MYO16: variants seen among roughly 807,000 people sequenced by gnomAD.
The protein encoded by MYO16 is unconventional myosin-XVI.
In MYO16, 94 loss-of-function variants were observed where a neutral mutation model predicts 205.3. That is an observed-to-expected ratio of 0.46 (90% CI 0.39 to 0.54). The LOEUF is 0.54. MYO16 is among the 20% of genes least tolerant of loss of function. The pLI is 0.00. For missense variants in MYO16, 2,315 were observed against 2,387.5 expected (o/e 0.97, Z 0.63); for synonymous variants, 988 against 954.0 (o/e 1.04, Z -0.66).
At chr13:108,715,236 C>T (rs1445919494) in intron 3 of MYO16, among the ~76,000 whole-genome samples, 3 of 152,190 alleles carry the variant, frequency 2.0e-5, no homozygotes, top group Non-Finnish European at 4.4e-5. Flanking sequence ...GGTTTCCACC[C>T]AGCACATGCC....
chr13:108,694,622 C>G (rs926007363), intron 2 of MYO16, among the ~76,000 whole-genome samples: 2 of 152,084 alleles, frequency 1.3e-5, no homozygotes, highest in African/African-American at 2.4e-5. Flanking sequence ...AGACCTCTAT[C>G]AAATATATGC....
At chr13:108,989,854 A>C (rs993877317) in intron 20 of MYO16, among the ~76,000 whole-genome samples, 72 of 152,206 alleles carry the variant, frequency 4.7e-4, no homozygotes, top group African/African-American at 1.7e-3. Flanking sequence ...GATACTTTTA[A>C]AAAACTTATT....
Position 108,964,792 on chromosome 13 carries a change from G to A in MYO16, c.2259G>A (p.Gln753=). The A allele has an allele frequency of 3.1e-6, 5 of 1,614,116 alleles. No individual in the cohort carries two copies. Among genetic ancestry groups the A allele is most frequent in the Non-Finnish European group, 4.2e-6 (5 of 1,180,014 alleles). ...GDMIIRRHTI[Q]IAEFFRDLLA... ...TGATAATACGACGACATACCATACA[G>A]ATTGCTGAGTTTTTCCGAGACCTCT... Residue 753 remains glutamine, a synonymous_variant, in exon 20 of 35, where the codon CAG becomes CAA. Transcript: ENST00000457511.
chr13:108,790,734 T>C (rs1035049282), intron 5 of MYO16, among the ~76,000 whole-genome samples: 43 of 152,204 alleles, frequency 2.8e-4, no homozygotes, highest in Admixed American at 6.5e-5. Context: ...TGGCATCATA[T>C]CTAATTCAAA....
At chr13:109,138,555 G>A (rs1009586393) in intron 31 of MYO16, among the ~76,000 whole-genome samples, 1 of 151,952 alleles carries the variant, frequency 6.6e-6, no homozygotes, top group Admixed American at 6.6e-5. Flanking sequence ...ATTCACTCTT[G>A]TAATAATATT....
At chr13:108,533,892 T>C in the MYO16 span, among the ~76,000 whole-genome samples, 6 of 152,196 alleles carry the variant, frequency 3.9e-5, no homozygotes, top group African/African-American at 7.2e-5. Context: ...CAAATGGTTC[T>C]CTGATTTTAA....
the MYO16 span, among the ~76,000 whole-genome samples, chr13:108,507,292 T>A: frequency 1.7e-3 from 259 of 152,318 alleles, no homozygotes; most frequent in African/African-American, 6.1e-3. Context: ...CCCTTTAATG[T>A]TTCTCTTAAG....
chr13:108,803,617 A>G (rs1182090058), intron 6 of MYO16, among the ~76,000 whole-genome samples: 3 of 152,130 alleles, frequency 2.0e-5, no homozygotes, highest in Non-Finnish European at 4.4e-5. Context: ...ATCACACTGG[A>G]TATGTGTGTG....
At chr13:109,008,422 T>C (rs1288094666) in intron 21 of MYO16, among the ~76,000 whole-genome samples, 6 of 130,814 alleles carry the variant, frequency 4.6e-5, no homozygotes, top group Non-Finnish European at 9.9e-5. Context: ...GTACTATCTA[T>C]CTTGTGTATG....
Position 109,077,008 on chromosome 13 carries a change from T to TTG in MYO16, c.3335+21413_3335+21414insTG, listed in dbSNP as rs35770594. On this transcript the variant is annotated intron_variant, in intron 27 of 34. Transcript: ENST00000457511. Reference sequence around the variant, plus strand: ...ATTTGTTTACACTTTTTTTTTTTTTTGGAGATGGAGTCTCGCTCTGTCGCC... The same window carrying TTG: ...ATTTGTTTACACTTTTTTTTTTTTTTTGGGAGATGGAGTCTCGCTCTGTCGCC... 8.8e-3 allele frequency among the ~76,000 whole-genome samples: 1,269 copies of TTG among 143,390 alleles called. 44 individuals carry two copies. The highest frequency in any genetic ancestry group is 0.025 in the African/African-American group (971 of 39,356). The allele number at this position is 143,390 out of a possible 152,430, so 94.1% of individuals were successfully genotyped here.
intron 4 of MYO16, among the ~76,000 whole-genome samples, chr13:108,756,210 TATTTTTC>T (rs1396276079): frequency 6.6e-6 from 1 of 152,062 alleles, no homozygotes; most frequent in African/African-American, 2.4e-5. Flanking sequence ...TTTCTAGACT[TATTTTTC>T]AGTAGAAAAA....
chr13:109,078,048 T>G (rs1394729196), intron 27 of MYO16, among the ~76,000 whole-genome samples: 1 of 151,946 alleles, frequency 6.6e-6, no homozygotes, highest in Non-Finnish European at 1.5e-5. Context: ...CAGTGTTTAA[T>G]CTTCTGTTCA....
intron 16 of MYO16, among the ~76,000 whole-genome samples, chr13:108,917,334 G>C (rs554936528): frequency 2.6e-5 from 4 of 152,284 alleles, no homozygotes; most frequent in Non-Finnish European, 4.4e-5. Context: ...TATTTAACAG[G>C]AGGAAGGGGA....
At chr13:109,121,810 C>A (rs1417039999) in intron 29 of MYO16, among the ~76,000 whole-genome samples, 2 of 152,200 alleles carry the variant, frequency 1.3e-5, no homozygotes, top group Non-Finnish European at 2.9e-5. Context: ...CAAGGGGAAG[C>A]CTTGGACAAG....
the MYO16 span, among the ~76,000 whole-genome samples, chr13:108,583,903 A>G: frequency 6.6e-6 from 1 of 152,226 alleles, no homozygotes; most frequent in Non-Finnish European, 1.5e-5. Flanking sequence ...GATTAAAAAT[A>G]AAGAATCCAA....
chr13:109,049,629 A>G (rs867048316), intron 24 of MYO16, among the ~76,000 whole-genome samples: 1 of 151,554 alleles, frequency 6.6e-6, no homozygotes, highest in Non-Finnish European at 1.5e-5. Context: ...TTTCAGTTTT[A>G]TTAGAGGCAT....
chr13:108,532,836 T>G, the MYO16 span, among the ~76,000 whole-genome samples: 405 of 152,132 alleles, frequency 2.7e-3, 3 homozygotes, highest in African/African-American at 9.0e-3. Flanking sequence ...AGAAGGTTTG[T>G]ATATGAGAGG....
the MYO16 span, among the ~76,000 whole-genome samples, chr13:108,573,262 A>G: frequency 6.6e-6 from 1 of 152,180 alleles, no homozygotes; most frequent in South Asian, 2.1e-4. Context: ...GTTATCTTAG[A>G]TGCGGATTAT....
chr13:108,830,805 AT>A (rs1455079239), intron 9 of MYO16, among the ~76,000 whole-genome samples: 3 of 152,168 alleles, frequency 2.0e-5, no homozygotes, highest in Non-Finnish European at 2.9e-5. Flanking sequence ...TCTTTATCTT[AT>A]TTTATAAAAG....
Sources: gnomAD v4.1 joint callset for allele counts (sites outside exome capture counted in the v4.1 genomes callset) on GRCh38, gnomAD v4.1.1 for gene constraint, MANE v1.5 for transcripts, NCBI Gene and HGNC (gene_info 2026-07-23, HGNC 2026-07-21) for gene names.